Variants in PTPRN2 observed in about 807,000 individuals in gnomAD.
PTPRN2 encodes protein tyrosine phosphatase receptor type N2, also known as receptor-type tyrosine-protein phosphatase N2.
In PTPRN2, 74 loss-of-function variants were observed where a neutral mutation model predicts 118.8. The observed-to-expected ratio is 0.62, with a 90% CI of 0.52 to 0.76. The LOEUF is 0.76. Among genes scored for constraint, PTPRN2 ranks in the 30% least tolerant of loss-of-function variants. The probability of loss-of-function intolerance (pLI) is 0.00; values close to 1 mark genes in which losing one functional copy is unlikely to be tolerated. For missense variants in PTPRN2, 1,481 were observed against 1,394.4 expected, an observed-to-expected ratio of 1.06 and a Z score of -0.99; for synonymous variants, 641 against 608.0, an observed-to-expected ratio of 1.05 and a Z score of -0.80.
Position 157,542,032 on chromosome 7 carries a change from C to T in PTPRN2, c.2977-1247G>A, listed in dbSNP as rs192887840. Among the ~76,000 whole-genome samples the T allele has an allele frequency of 3.7e-4, 57 of 152,258 alleles. No homozygotes were observed. The Middle Eastern group carries it at 0.02, about 55-fold the overall frequency. On this transcript the variant is annotated intron_variant, in intron 22 of 22. Transcript: ENST00000389418. ...CTGGCGGCCACCTCAGGGTGGGACC[C>T]GGGGAGATGTGTCTGCCTGCGCCCC... is the stretch of plus-strand genomic sequence containing the variant.
intron 3 of PTPRN2, among the ~76,000 whole-genome samples, chr7:158,315,710 C>T (rs1802262459): frequency 6.6e-6 from 1 of 152,154 alleles, no homozygotes; most frequent in African/African-American, 2.4e-5. Context: ...GCCAGGGACT[C>T]GGAGAGAATA....
chr7:158,214,920 G>A (rs1412166214), intron 3 of PTPRN2, among the ~76,000 whole-genome samples: 1 of 152,124 alleles, frequency 6.6e-6, no homozygotes, highest in African/African-American at 2.4e-5. Context: ...AGGTTTAAAT[G>A]AGATCCAGAA....
chr7:158,505,631 C>G (rs1270008499), intron 1 of PTPRN2, among the ~76,000 whole-genome samples: 1 of 150,148 alleles, frequency 6.7e-6, no homozygotes, highest in Non-Finnish European at 1.5e-5. Flanking sequence ...GTTTAGAGGA[C>G]TTCATTCTGC....
chr7:157,658,755 G>A (rs2906934), intron 13 of PTPRN2, among the ~76,000 whole-genome samples: 129,542 of 152,222 alleles, frequency 0.85, 55,484 homozygotes, highest in Admixed American at 0.91. Flanking sequence ...AGTCTGCAAA[G>A]TGAAATGATA....
At chr7:158,087,978 G>A (rs1813626298) in intron 10 of PTPRN2, among the ~76,000 whole-genome samples, 1 of 117,872 alleles carries the variant, frequency 8.5e-6, no homozygotes, top group African/African-American at 2.8e-5. Flanking sequence ...TGATGAAAGA[G>A]GGAGTCTTCA....
At chr7:158,069,497 C>T (rs1811044885) in intron 11 of PTPRN2, among the ~76,000 whole-genome samples, 1 of 151,716 alleles carries the variant, frequency 6.6e-6, no homozygotes, top group Non-Finnish European at 1.5e-5. Flanking sequence ...ACACCCCCAC[C>T]TTCTCCATTC....
rs1239309580 is a variant in PTPRN2 at position 158,419,402 on chromosome 7, C to CCGT, written c.163+70332_163+70333insACG. Among the ~76,000 whole-genome samples the CCGT allele has an allele frequency of 8.6e-4, 118 of 137,400 alleles. 2 individuals are homozygous for CCGT. The highest frequency in any genetic ancestry group is 3.1e-3 in the African/African-American group (116 of 37,372). 90.1% of individuals were successfully genotyped at this position (137,400 alleles called of 152,430 possible). On this transcript the variant is annotated intron_variant, in intron 2 of 22. Coordinates refer to ENST00000389418, the MANE Select transcript of PTPRN2 (RefSeq NM_002847.5). ...CAAGAATTCCTTCACTGCAAGAATTCCATCATTGCAAGAATTCTGTCACTG... is the reference window on the plus strand; with the variant it reads ...CAAGAATTCCTTCACTGCAAGAATTCCGTCATCATTGCAAGAATTCTGTCACTG...
At chr7:158,490,763 A>G (rs2129445508) in intron 1 of PTPRN2, among the ~76,000 whole-genome samples, 1 of 152,338 alleles carries the variant, frequency 6.6e-6, no homozygotes, top group South Asian at 2.1e-4. Context: ...ACGCCTGTTC[A>G]TCCGCTAAGA....
At chr7:157,748,864 C>G (rs372955580) in intron 12 of PTPRN2, among the ~76,000 whole-genome samples, 2 of 46,004 alleles carry the variant, frequency 4.3e-5, no homozygotes, top group Admixed American at 2.6e-4. Flanking sequence ...GAGCTGTGGG[C>G]TGTCCGGGTG....
chr7:158,316,353 C>G (rs548229394), intron 3 of PTPRN2, among the ~76,000 whole-genome samples: 2 of 152,196 alleles, frequency 1.3e-5, no homozygotes, highest in Admixed American at 6.5e-5. Context: ...GTGGGAATTC[C>G]CTGGTCCTAC....
intron 5 of PTPRN2, among the ~76,000 whole-genome samples, chr7:158,168,775 C>T (rs1332116707): frequency 3.3e-5 from 5 of 152,172 alleles, no homozygotes; most frequent in Admixed American, 1.3e-4. Flanking sequence ...GAGGACATGT[C>T]CTCATCACAC....
chr7:157,588,420 T>C lies in PTPRN2; in HGVS notation c.2496+6818A>G, dbSNP rs147890848. On this transcript the variant is annotated intron_variant, in intron 17 of 22. Transcript: ENST00000389418. ...CCCTGCCTCCCCGGCAGTCCTAATC[T>C]TACAGCTACAGTCCTGCCCGCAGGG... Among the ~76,000 whole-genome samples the C allele has an allele frequency of 2.7e-3, 404 of 152,272 alleles. 3 individuals carry two copies. Among genetic ancestry groups the C allele is most frequent in the African/African-American group, 9.2e-3 (384 of 41,568 alleles).
intron 14 of PTPRN2, among the ~76,000 whole-genome samples, chr7:157,623,487 G>C (rs1243642637): frequency 6.6e-6 from 1 of 152,224 alleles, no homozygotes; most frequent in Non-Finnish European, 1.5e-5. Context: ...GTTCTAAAAT[G>C]ATGAACCCTA....
At chr7:158,470,776 A>G (rs1405287556) in intron 2 of PTPRN2, among the ~76,000 whole-genome samples, 1 of 152,098 alleles carries the variant, frequency 6.6e-6, no homozygotes, top group East Asian at 1.9e-4. Flanking sequence ...CTTCCCGCTC[A>G]TGTTACAGTG....
At chr7:158,010,004 C>A (rs1805926180) in intron 11 of PTPRN2, among the ~76,000 whole-genome samples, 1 of 152,136 alleles carries the variant, frequency 6.6e-6, no homozygotes, top group Admixed American at 6.5e-5. Context: ...ACCAGGCTGG[C>A]CTTTGCCTGC....
chr7:157,769,208 G>A (rs1032013103), intron 12 of PTPRN2, among the ~76,000 whole-genome samples: 2 of 152,098 alleles, frequency 1.3e-5, no homozygotes, highest in African/African-American at 2.4e-5. Context: ...CGCTTTGCCC[G>A]TGCCAAGCAA....
At chr7:157,710,331 A>C (rs1188374460) in intron 12 of PTPRN2, among the ~76,000 whole-genome samples, 3 of 152,156 alleles carry the variant, frequency 2.0e-5, no homozygotes, top group African/African-American at 7.2e-5. Context: ...ACTCTTGGCC[A>C]GGTGTGGTGG....
At chr7:158,097,415 G>C (rs1814719582) in intron 10 of PTPRN2, among the ~76,000 whole-genome samples, 2 of 152,182 alleles carry the variant, frequency 1.3e-5, no homozygotes, top group Non-Finnish European at 2.9e-5. Flanking sequence ...AAATCACACA[G>C]ATGAGAAAGT....
chr7:157,613,774 C>T (rs974267069), intron 15 of PTPRN2, among the ~76,000 whole-genome samples: 1 of 152,204 alleles, frequency 6.6e-6, no homozygotes, highest in East Asian at 1.9e-4. Flanking sequence ...CCTGAACTGC[C>T]GTTTGTCGCG....
Sources: allele counts gnomAD v4.1 joint callset (sites outside exome capture counted in the v4.1 genomes callset), GRCh38; gene constraint gnomAD v4.1.1; transcripts MANE v1.5; gene names NCBI Gene and HGNC (gene_info 2026-07-23, HGNC 2026-07-21).